DLG2: variants seen among roughly 807,000 people sequenced by gnomAD.
DLG2 encodes disks large homolog 2.
Under a neutral mutation model 132.5 loss-of-function variants are expected in DLG2, and 45 were observed. The observed-to-expected ratio is 0.34, with a 90% confidence interval of 0.27 to 0.44. The LOEUF (loss-of-function observed/expected upper bound fraction) is 0.44. DLG2 is among the 20% of genes least tolerant of loss of function. The pLI is 1.00. For missense variants in DLG2, 1,045 were observed against 1,196.9 expected, an observed-to-expected ratio of 0.87 and a Z score of 1.87; for synonymous variants, 424 against 419.6, an observed-to-expected ratio of 1.01 and a Z score of -0.13.
chr11:84,017,958 G>C (rs746460630), intron 11 of DLG2, among the ~76,000 whole-genome samples: 1 of 151,736 alleles, frequency 6.6e-6, no homozygotes, highest in Non-Finnish European at 1.5e-5. Context: ...TAATGCATTT[G>C]TTTTCTCTTA....
At chr11:84,644,705 C>CA (rs61451048) in intron 6 of DLG2, among the ~76,000 whole-genome samples, 34,995 of 119,166 alleles carry the variant, frequency 0.29, 4,762 homozygotes, top group South Asian at 0.44. Context: ...GACTCCATTT[C>CA]AAAAAAAAAA....
At chr11:83,942,364 T>C (rs2082854793) in intron 14 of DLG2, among the ~76,000 whole-genome samples, 3 of 152,162 alleles carry the variant, frequency 2.0e-5, no homozygotes, top group Non-Finnish European at 2.9e-5. Context: ...ACAGTTTGAT[T>C]CAGTTTTTGT....
chr11:83,840,280 ACCC>A (rs1169809289), intron 16 of DLG2, among the ~76,000 whole-genome samples: 1 of 152,142 alleles, frequency 6.6e-6, no homozygotes, highest in Non-Finnish European at 1.5e-5. Context: ...AACTCCTAGA[ACCC>A]AGGCACCAGC....
At chr11:84,956,416 A>G (rs550971549) in intron 6 of DLG2, among the ~76,000 whole-genome samples, 21 of 152,340 alleles carry the variant, frequency 1.4e-4, no homozygotes, top group Middle Eastern at 3.4e-3. Context: ...CTGCCACAAG[A>G]GAAGTAAACA....
chr11:84,140,076 G>A (rs2094776234), intron 9 of DLG2, among the ~76,000 whole-genome samples: 1 of 151,972 alleles, frequency 6.6e-6, no homozygotes, highest in African/African-American at 2.4e-5. Flanking sequence ...CACCTGAGTA[G>A]GATGATTAAC....
intron 17 of DLG2, among the ~76,000 whole-genome samples, chr11:83,796,577 C>T (rs1222359068): frequency 6.6e-6 from 1 of 152,024 alleles, no homozygotes; most frequent in Non-Finnish European, 1.5e-5. Context: ...TTTTTGTTAT[C>T]TCTTATGGGT....
intron 8 of DLG2, among the ~76,000 whole-genome samples, chr11:84,167,779 G>A (rs916317332): frequency 6.6e-6 from 1 of 151,878 alleles, no homozygotes; most frequent in African/African-American, 2.4e-5. Context: ...TGATTCTTCT[G>A]CCTCAGCCTC....
At chr11:85,176,599 A>G (rs1408344731) in intron 4 of DLG2, among the ~76,000 whole-genome samples, 2 of 152,180 alleles carry the variant, frequency 1.3e-5, no homozygotes, top group Non-Finnish European at 2.9e-5. Flanking sequence ...CAACAAAAGC[A>G]AAAATTGACA....
chr11:85,069,510 C>T (rs2065466664), intron 6 of DLG2, among the ~76,000 whole-genome samples: 1 of 152,106 alleles, frequency 6.6e-6, no homozygotes, highest in Admixed American at 6.6e-5. Flanking sequence ...ACAGACACTT[C>T]TCAAAGGAAG....
At chr11:84,829,621 T>C (rs1848669255) in intron 6 of DLG2, among the ~76,000 whole-genome samples, 1 of 151,728 alleles carries the variant, frequency 6.6e-6, no homozygotes, top group African/African-American at 2.4e-5. Context: ...GTGACTTTGG[T>C]CATTAATTAA....
At chr11:83,519,510 C>G in intron 21 of DLG2, among the ~76,000 whole-genome samples, 1 of 152,112 alleles carries the variant, frequency 6.6e-6, no homozygotes. Flanking sequence ...TTAGTCAACA[C>G]TTGGGGGCAT....
intron 6 of DLG2, among the ~76,000 whole-genome samples, chr11:85,107,138 T>A (rs1271484007): frequency 1.3e-5 from 2 of 152,024 alleles, no homozygotes; most frequent in Non-Finnish European, 2.9e-5. Flanking sequence ...GCTTATAGTA[T>A]TATATAGTGA....
At chr11:85,436,812 C>A (rs924915876) in intron 3 of DLG2, among the ~76,000 whole-genome samples, 9 of 152,090 alleles carry the variant, frequency 5.9e-5, no homozygotes, top group Non-Finnish European at 1.0e-4. Flanking sequence ...GGTATATACC[C>A]AAAGAAATAT....
At chr11:83,882,817 A>T (rs1595884750) in intron 15 of DLG2, among the ~76,000 whole-genome samples, 1 of 152,200 alleles carries the variant, frequency 6.6e-6, no homozygotes, top group East Asian at 1.9e-4. Context: ...ATTATCAACC[A>T]GGTATTAGTT....
chr11:83,762,598 T>G (rs2093955827), intron 18 of DLG2, among the ~76,000 whole-genome samples: 2 of 150,482 alleles, frequency 1.3e-5, no homozygotes, highest in African/African-American at 2.5e-5. Flanking sequence ...TTTTTTTTTT[T>G]GAGACGGAGT....
intron 7 of DLG2, among the ~76,000 whole-genome samples, chr11:84,471,024 T>C (rs965789022): frequency 6.6e-6 from 1 of 151,786 alleles, no homozygotes; most frequent in Non-Finnish European, 1.5e-5. Flanking sequence ...TTTCCCTTTT[T>C]GCTTGAGCTA....
In DLG2 at chr11:84,920,409, T is replaced by G. The variant is rs192316588; in HGVS notation, c.357+191252A>C. ...TAAAAGTGACCTCACAGCAAAACCTTTCTTGATTAGTCCAGGTAAAATTAG... is the reference window on the plus strand; with the variant it reads ...TAAAAGTGACCTCACAGCAAAACCTGTCTTGATTAGTCCAGGTAAAATTAG... On this transcript the variant is annotated intron_variant, in intron 6 of 27. Coordinates refer to ENST00000376104, the MANE Select transcript of DLG2 (RefSeq NM_001142699.3). 8.5e-5 allele frequency among the ~76,000 whole-genome samples: 13 copies of G among 152,302 alleles called. No individual in the cohort carries two copies. The East Asian group carries it at 2.5e-3, about 29-fold the overall frequency.
chr11:84,053,573 A>G (rs956970698), intron 11 of DLG2, among the ~76,000 whole-genome samples: 5 of 151,998 alleles, frequency 3.3e-5, no homozygotes, highest in African/African-American at 1.2e-4. Flanking sequence ...ATATGGTAAT[A>G]AGAGTAAAAA....
At chr11:84,795,883 G>A (rs1472174912) in intron 6 of DLG2, among the ~76,000 whole-genome samples, 1 of 152,054 alleles carries the variant, frequency 6.6e-6, no homozygotes, top group Non-Finnish European at 1.5e-5. Context: ...AGGCTCGCAG[G>A]AAGCCAGCAC....
Sources: gnomAD v4.1 joint callset for allele counts (sites outside exome capture counted in the v4.1 genomes callset) on GRCh38, gnomAD v4.1.1 for gene constraint, MANE v1.5 for transcripts, NCBI Gene and HGNC (gene_info 2026-07-23, HGNC 2026-07-21) for gene names.